DYNC2LI1: variants seen among roughly 807,000 people sequenced by gnomAD.
DYNC2LI1 encodes dynein cytoplasmic 2 light intermediate chain 1, also known as cytoplasmic dynein 2 light intermediate chain 1.
In DYNC2LI1, 45 loss-of-function variants were observed where a neutral mutation model predicts 51.9. That is an observed-to-expected ratio of 0.87 (90% CI 0.68 to 1.11). DYNC2LI1 has a LOEUF of 1.11. DYNC2LI1 is among the 50% of genes most tolerant of loss of function. The pLI, the probability that DYNC2LI1 is intolerant of heterozygous loss-of-function variation, is 0.00. For synonymous variants in DYNC2LI1, 130 were observed against 137.8 expected, an observed-to-expected ratio of 0.94 and a Z score of 0.40; for missense variants, 490 against 417.4, an observed-to-expected ratio of 1.17 and a Z score of -1.51.
At chr2:43,780,602 T>G (rs1445101708) in intron 2 of DYNC2LI1, among the ~76,000 whole-genome samples, 1 of 152,092 alleles carries the variant, frequency 6.6e-6, no homozygotes, top group African/African-American at 2.4e-5. Context: ...AAGTCATATT[T>G]TAGTTAAGGC....
At chr2:43,819,779 G>A in the DYNC2LI1 span, 2 of 938,834 alleles carry the variant, frequency 2.1e-6, no homozygotes, top group Non-Finnish European at 3.4e-6. Context: ...TTAACGAGCA[G>A]TATAAATGCT....
In DYNC2LI1 at chr2:43,805,137, G is replaced by C. The variant is rs769359156; in HGVS notation, c.901-17G>C. 7 of 1,570,094 alleles carry C rather than the reference G, an allele frequency of 4.5e-6. No homozygotes were observed. The Admixed American group carries it at 8.6e-5, about 19-fold the overall frequency. ...TGGTTTATGGGCGTGAAGTGATTTT[G>C]AGATTTGTAATTTCAGAGTATTAAC... On this transcript the variant is annotated splice_polypyrimidine_tract_variant and intron_variant, in intron 11 of 12. Transcript: ENST00000260605.
intron 6 of DYNC2LI1, chr2:43,795,310 C>G (rs1673981980): frequency 2.3e-6 from 1 of 438,130 alleles, no homozygotes; most frequent in African/African-American, 2.2e-5. Context: ...TCAAGACCAT[C>G]CTGGCCGACA....
chr2:43,778,863 C>G (rs1024918552), intron 2 of DYNC2LI1, among the ~76,000 whole-genome samples: 1 of 152,134 alleles, frequency 6.6e-6, no homozygotes, highest in Non-Finnish European at 1.5e-5. Context: ...GTGGCATATA[C>G]AAACTGTTTT....
downstream of DYNC2LI1, chr2:43,813,107 T>TGGCTTTCA: frequency 9.3e-7 from 1 of 1,075,884 alleles, no homozygotes; most frequent in Middle Eastern, 2.0e-4. Flanking sequence ...TTCCCAGCCA[T>TGGCTTTCA]GGCTTTCACT....
rs184031220 is a variant in DYNC2LI1 at position 43,784,893 on chromosome 2, C to G, written c.161+1339C>G. 5.6e-4 allele frequency among the ~76,000 whole-genome samples: 85 copies of G among 152,202 alleles called. No individual in the cohort carries two copies. The East Asian group carries it at 8.9e-3, about 16-fold the overall frequency. ...GGGACATATAACCGAATATTACTCTCTATATAACGTATTCAAAAGATGTAT... is the reference window on the plus strand; with the variant it reads ...GGGACATATAACCGAATATTACTCTGTATATAACGTATTCAAAAGATGTAT... On this transcript the variant is annotated intron_variant, in intron 3 of 12. Transcript: ENST00000260605.
At chr2:43,828,146 G>A in the DYNC2LI1 span, 4 of 1,613,416 alleles carry the variant, frequency 2.5e-6, no homozygotes, top group South Asian at 1.1e-5. Context: ...AGGAAGGCTG[G>A]GAGTCTCTGT....
intron 3 of DYNC2LI1, among the ~76,000 whole-genome samples, chr2:43,783,910 CAG>C (rs1673402453): frequency 6.6e-6 from 1 of 152,078 alleles, no homozygotes; most frequent in South Asian, 2.1e-4. Context: ...TTTAGTTGCT[CAG>C]GGGTACATTT....
the DYNC2LI1 span, among the ~76,000 whole-genome samples, chr2:43,817,365 A>G: frequency 6.6e-6 from 1 of 152,078 alleles, no homozygotes; most frequent in African/African-American, 2.4e-5. Context: ...CGCACCTGTA[A>G]TCCCAGCTAT....
downstream of DYNC2LI1, among the ~76,000 whole-genome samples, chr2:43,811,457 A>G (rs766833288): frequency 2.0e-5 from 3 of 152,234 alleles, no homozygotes; most frequent in Admixed American, 2.0e-4. Flanking sequence ...GTTAGGTCAC[A>G]GTCAGTGAAC....
chr2:43,826,126 C>T, the DYNC2LI1 span, among the ~76,000 whole-genome samples: 10 of 152,182 alleles, frequency 6.6e-5, no homozygotes, highest in East Asian at 1.7e-3. Context: ...CAGATATGCA[C>T]CACCATGCCT....
chr2:43,812,205 C>A (rs537080286), downstream of DYNC2LI1, among the ~76,000 whole-genome samples: 5 of 152,130 alleles, frequency 3.3e-5, no homozygotes, highest in East Asian at 7.7e-4. Context: ...TGTGAGACAC[C>A]ATGTCTAGCT....
the DYNC2LI1 span, among the ~76,000 whole-genome samples, chr2:43,817,684 C>T: frequency 6.6e-6 from 1 of 151,808 alleles, no homozygotes; most frequent in African/African-American, 2.4e-5. Context: ...CCAAGGCAGG[C>T]AGATCACCTG....
chr2:43,794,123 C>A (rs150181414), intron 5 of DYNC2LI1: 11 of 196,848 alleles, frequency 5.6e-5, no homozygotes, highest in African/African-American at 2.4e-4. Flanking sequence ...TTTTTGCTTC[C>A]CTTTTTTGGA....
At chr2:43,817,636 G>A in the DYNC2LI1 span, among the ~76,000 whole-genome samples, 216 of 151,088 alleles carry the variant, frequency 1.4e-3, no homozygotes, top group Non-Finnish European at 2.2e-3. Flanking sequence ...AAGGCCAGAC[G>A]CGGTGGCTCA....
Position 43,774,112 on chromosome 2 carries a change from A to C in DYNC2LI1, c.-27A>C. 2 of 1,613,780 alleles carry C rather than the reference A, an allele frequency of 1.2e-6. No individual in the cohort carries two copies. Among genetic ancestry groups the C allele is most frequent in the Non-Finnish European group, 8.5e-7 (1 of 1,179,902 alleles). On this transcript the variant is annotated 5_prime_UTR_variant, in exon 1 of 13. Coordinates refer to ENST00000260605, the MANE Select transcript of DYNC2LI1 (RefSeq NM_016008.4). ...GGCTGGTCACTACTCCGAGCCTGTG[A>C]CGTTTGCGGCAGCCAGGCCGTCGAC... is the stretch of plus-strand genomic sequence containing the variant.
At chr2:43,782,170 G>A (rs915881029) in intron 2 of DYNC2LI1, among the ~76,000 whole-genome samples, 1 of 151,982 alleles carries the variant, frequency 6.6e-6, no homozygotes, top group African/African-American at 2.4e-5. Context: ...CTATTATATG[G>A]TTTACCATAA....
At chr2:43,814,668 A>G (rs943736975), downstream of DYNC2LI1, 30 of 831,020 alleles carry the variant, frequency 3.6e-5, no homozygotes, top group Admixed American at 6.7e-4. Context: ...GGCAATCCTT[A>G]TATTTTCCAA....
the DYNC2LI1 span, chr2:43,822,519 T>C: frequency 6.2e-6 from 6 of 970,866 alleles, no homozygotes; most frequent in Non-Finnish European, 7.3e-6. Flanking sequence ...TTCAGAGTCC[T>C]CTCTTCTCTG....
Sources: gnomAD v4.1 joint callset for allele counts (sites outside exome capture counted in the v4.1 genomes callset) on GRCh38, gnomAD v4.1.1 for gene constraint, MANE v1.5 for transcripts, NCBI Gene and HGNC (gene_info 2026-07-23, HGNC 2026-07-21) for gene names.